CELF2: variants seen among roughly 807,000 people sequenced by gnomAD.
The protein encoded by CELF2 is CUG triplet repeat RNA-binding protein 2.
In CELF2, 8 loss-of-function variants were observed where a neutral mutation model predicts 62.6. The ratio of observed to expected loss-of-function variants is 0.13; its 90% confidence interval spans 0.07 to 0.23. The LOEUF is 0.23. Ranked by LOEUF, CELF2 falls within the 10% of genes least tolerant of loss-of-function variation. The probability of loss-of-function intolerance (pLI) is 1.00; values close to 1 mark genes in which losing one functional copy is unlikely to be tolerated. For missense variants in CELF2, 333 were observed against 671.0 expected, an observed-to-expected ratio of 0.50 and a Z score of 5.56; for synonymous variants, 258 against 250.0, an observed-to-expected ratio of 1.03 and a Z score of -0.30.
intron 3 of CELF2, among the ~76,000 whole-genome samples, chr10:11,222,927 C>T (rs1269065586): frequency 6.6e-6 from 1 of 152,156 alleles, no homozygotes; most frequent in Non-Finnish European, 1.5e-5. Flanking sequence ...TCTATATGCC[C>T]ATAAACATAC....
At chr10:10,564,473 A>G in the CELF2 span, among the ~76,000 whole-genome samples, 1 of 152,078 alleles carries the variant, frequency 6.6e-6, no homozygotes, top group African/African-American at 2.4e-5. Flanking sequence ...ACCTGTGAAG[A>G]TATGTTTTAC....
intron 9 of CELF2, among the ~76,000 whole-genome samples, chr10:11,301,774 C>T (rs1311725631): frequency 2.0e-5 from 3 of 151,844 alleles, no homozygotes; most frequent in African/African-American, 7.3e-5. Flanking sequence ...CCTATTTTCT[C>T]TGGCACATAA....
rs536976864 is a variant in CELF2 at position 11,187,427 on chromosome 10, A to C, written c.271+21745A>C. On this transcript the variant is annotated intron_variant, in intron 2 of 12. Transcript: ENST00000633077. ...GTATGTATCTGTCTATTTAAAGTGC[A>C]TTTATTGTACACAGCAGGTAGTCGG... 1.1e-4 allele frequency among the ~76,000 whole-genome samples: 16 copies of C among 152,268 alleles called. No individual in the cohort carries two copies. The South Asian group carries it at 2.7e-3, about 26-fold the overall frequency.
intron 5 of CELF2, among the ~76,000 whole-genome samples, chr10:11,258,207 G>A (rs564271439): frequency 6.6e-6 from 1 of 152,306 alleles, no homozygotes; most frequent in South Asian, 2.1e-4. Flanking sequence ...AATGAGAAAG[G>A]ATATTTGTTG....
chr10:10,790,595 G>T, the CELF2 span, among the ~76,000 whole-genome samples: 1 of 152,114 alleles, frequency 6.6e-6, no homozygotes, highest in East Asian at 1.9e-4. Context: ...CAAGCAAGTG[G>T]TCATGATATT....
chr10:11,208,202 G>A (rs991509882), intron 2 of CELF2, among the ~76,000 whole-genome samples: 3 of 152,034 alleles, frequency 2.0e-5, no homozygotes, highest in African/African-American at 7.3e-5. Context: ...GGGGAGTTAG[G>A]CTGGTAGAAC....
intron 2 of CELF2, among the ~76,000 whole-genome samples, chr10:10,949,207 T>C (rs146441521): frequency 5.3e-5 from 8 of 152,232 alleles, no homozygotes; most frequent in African/African-American, 1.4e-4. Flanking sequence ...CCTCTCAGCT[T>C]TCTCCATTGC....
the CELF2 span, among the ~76,000 whole-genome samples, chr10:10,693,461 C>T: frequency 6.6e-6 from 1 of 151,662 alleles, no homozygotes; most frequent in Non-Finnish European, 1.5e-5. Context: ...GGATATTGGT[C>T]TAAAATTCTC....
At chr10:10,647,073 G>T in the CELF2 span, among the ~76,000 whole-genome samples, 2 of 152,056 alleles carry the variant, frequency 1.3e-5, no homozygotes, top group Non-Finnish European at 2.9e-5. Context: ...CCTTTCCTTG[G>T]ACTTAATTCT....
chr10:10,679,624 A>T, the CELF2 span, among the ~76,000 whole-genome samples: 1 of 152,192 alleles, frequency 6.6e-6, no homozygotes, highest in Admixed American at 6.5e-5. Context: ...TTTTATCATG[A>T]AAAAATTTGA....
chr10:11,036,211 A>G (rs2060922385), intron 1 of CELF2, among the ~76,000 whole-genome samples: 1 of 152,228 alleles, frequency 6.6e-6, no homozygotes, highest in Non-Finnish European at 1.5e-5. Context: ...TTTTAGGATC[A>G]TTTCTCTTCA....
At chr10:10,593,487 G>A in the CELF2 span, among the ~76,000 whole-genome samples, 1 of 152,118 alleles carries the variant, frequency 6.6e-6, no homozygotes, top group African/African-American at 2.4e-5. Flanking sequence ...GTCTTTTCTT[G>A]CTTTGTACTT....
chr10:10,737,604 A>G, the CELF2 span, among the ~76,000 whole-genome samples: 1 of 151,822 alleles, frequency 6.6e-6, no homozygotes, highest in Non-Finnish European at 1.5e-5. Flanking sequence ...AGCTTTTCCT[A>G]TTTTCTTCCT....
chr10:11,060,426 A>G (rs1028806554), intron 1 of CELF2, among the ~76,000 whole-genome samples: 2 of 152,172 alleles, frequency 1.3e-5, no homozygotes, highest in Non-Finnish European at 1.5e-5. Flanking sequence ...GAAAAGTGTA[A>G]TTAGGGTATG....
intron 1 of CELF2, among the ~76,000 whole-genome samples, chr10:11,153,616 G>T (rs977643363): frequency 2.6e-5 from 4 of 152,212 alleles, no homozygotes; most frequent in African/African-American, 9.6e-5. Flanking sequence ...AACACCCTTG[G>T]TTCTGCTGTT....
intron 1 of CELF2, among the ~76,000 whole-genome samples, chr10:11,109,589 G>T (rs2054569286): frequency 6.6e-6 from 1 of 152,184 alleles, no homozygotes; most frequent in South Asian, 2.1e-4. Context: ...TGTGGCCCAG[G>T]TTTCCTCTGA....
At chr10:11,058,989 C>A (rs192621739) in intron 1 of CELF2, among the ~76,000 whole-genome samples, 1 of 152,148 alleles carries the variant, frequency 6.6e-6, no homozygotes, top group Non-Finnish European at 1.5e-5. Flanking sequence ...CGCCATCTTG[C>A]GTAGGCTGGT....
the CELF2 span, among the ~76,000 whole-genome samples, chr10:10,480,557 T>G: frequency 6.6e-6 from 1 of 152,156 alleles, no homozygotes; most frequent in African/African-American, 2.4e-5. Flanking sequence ...CATGAGCTAT[T>G]CATATTTTCA....
At position 11,320,018 on chromosome 10, in the gene CELF2, T is replaced by C. The variant is rs561714955; in HGVS notation, c.1097-1171T>C. 1.3e-4 allele frequency: 48 copies of C among 359,766 alleles called. 1 individual carries two copies. Among genetic ancestry groups the C allele is most frequent in the South Asian group, 8.8e-4 (42 of 47,772 alleles). The allele number at this position is 359,766 out of a possible 1,614,324, so 22.3% of individuals were successfully genotyped here. On this transcript the variant is annotated intron_variant, in intron 10 of 12. Coordinates refer to ENST00000633077, the MANE Select transcript of CELF2 (RefSeq NM_001326342.2). ...CAGTTAGCCATCCTTGCTGTTTTCA[T>C]ATCTCCAATCAATAGCCCTACTTTC...
Sources: gnomAD v4.1 joint callset for allele counts (sites outside exome capture counted in the v4.1 genomes callset) on GRCh38, gnomAD v4.1.1 for gene constraint, MANE v1.5 for transcripts, NCBI Gene and HGNC (gene_info 2026-07-23, HGNC 2026-07-21) for gene names.